The following SH2D4A variants were observed in gnomAD, a reference collection of about 807,000 sequenced individuals.
The protein encoded by SH2D4A is SH2 domain containing 4A.
A neutral mutation model predicts 64.7 loss-of-function variants in SH2D4A; 70 were observed. The ratio of observed to expected loss-of-function variants is 1.08; its 90% CI spans 0.89 to 1.32. The LOEUF (loss-of-function observed/expected upper bound fraction) is 1.32, where lower values mean the gene tolerates loss of function less well. Ranked by LOEUF, SH2D4A falls within the 40% of genes most tolerant of loss-of-function variation. The pLI is 0.00. For missense variants in SH2D4A, 706 were observed against 540.1 expected (o/e 1.31, Z -3.04); for synonymous variants, 268 against 200.7 (o/e 1.34, Z -2.83).
At chr8:19,385,987 A>G (rs1250302291) in intron 8 of SH2D4A, among the ~76,000 whole-genome samples, 3 of 152,064 alleles carry the variant, frequency 2.0e-5, no homozygotes, top group African/African-American at 7.2e-5. Flanking sequence ...TTGTTCTTAA[A>G]CCTCAGATGA....
chr8:19,392,726 T>G (rs2053512989), intron 8 of SH2D4A, among the ~76,000 whole-genome samples: 1 of 151,926 alleles, frequency 6.6e-6, no homozygotes, highest in Admixed American at 6.6e-5. Flanking sequence ...TAAGTAGAAA[T>G]ATATTCCTTT....
chr8:19,339,528 G>T (rs1486541189), intron 4 of SH2D4A, among the ~76,000 whole-genome samples: 1 of 147,870 alleles, frequency 6.8e-6, no homozygotes, highest in Non-Finnish European at 1.5e-5. Context: ...TTGAGGCAGG[G>T]TCTCCCTCTC....
chr8:19,319,428 A>G lies in SH2D4A; in HGVS notation c.-120A>G. 7.5e-7 allele frequency: 1 copy of G among 1,326,966 alleles called. No individual in the cohort carries two copies. The allele number at this position is 1,326,966 out of a possible 1,614,324, so 82.2% of individuals were successfully genotyped here. ...TGAATTATTGTCCCAGTCAGCCAGG[A>G]TTGTGAGCTGTTTGGGAAGTTTCGT... is the stretch of plus-strand genomic sequence containing the variant. On this transcript the variant is annotated 5_prime_UTR_variant, in exon 2 of 10. Transcript: ENST00000265807.
At chr8:19,320,246 T>C (rs1469709145) in intron 2 of SH2D4A, among the ~76,000 whole-genome samples, 2 of 152,172 alleles carry the variant, frequency 1.3e-5, no homozygotes, top group Admixed American at 6.5e-5. Flanking sequence ...GTTTCTCAGA[T>C]GTAAACTTTT....
intron 2 of SH2D4A, among the ~76,000 whole-genome samples, chr8:19,326,546 ACT>A (rs1244217826): frequency 6.6e-6 from 1 of 151,294 alleles, no homozygotes; most frequent in Admixed American, 6.6e-5. Context: ...CCTGGTGTTG[ACT>A]CTCTTTTGCA....
chr8:19,342,365 G>C (rs2052542598), intron 4 of SH2D4A, among the ~76,000 whole-genome samples: 1 of 152,168 alleles, frequency 6.6e-6, no homozygotes, highest in Non-Finnish European at 1.5e-5. Context: ...CTAGAATTTT[G>C]AATAGGATAA....
chr8:19,352,048 G>T (rs1191692485), intron 4 of SH2D4A, among the ~76,000 whole-genome samples: 1 of 152,198 alleles, frequency 6.6e-6, no homozygotes, highest in African/African-American at 2.4e-5. Context: ...TTTCCAAAGT[G>T]CTGGGATTAC....
intron 7 of SH2D4A, among the ~76,000 whole-genome samples, chr8:19,371,888 T>C (rs1277082927): frequency 6.6e-6 from 1 of 152,202 alleles, no homozygotes; most frequent in Non-Finnish European, 1.5e-5. Flanking sequence ...TTTTTTAAAA[T>C]TACTTCAGTC....
At chr8:19,339,639 A>G (rs996256751) in intron 4 of SH2D4A, among the ~76,000 whole-genome samples, 3 of 151,852 alleles carry the variant, frequency 2.0e-5, no homozygotes, top group Non-Finnish European at 1.5e-5. Flanking sequence ...AGCTGGGACT[A>G]CAGGCACAGG....
At chr8:19,332,562 G>A (rs1295615617) in intron 2 of SH2D4A, among the ~76,000 whole-genome samples, 1 of 151,662 alleles carries the variant, frequency 6.6e-6, no homozygotes, top group African/African-American at 2.4e-5. Flanking sequence ...GCTGGGCATG[G>A]TGGCAGGTGC....
At chr8:19,329,326 G>A (rs2052334637) in intron 2 of SH2D4A, among the ~76,000 whole-genome samples, 2 of 152,054 alleles carry the variant, frequency 1.3e-5, no homozygotes, top group South Asian at 4.2e-4. Flanking sequence ...GGCCCTCCAG[G>A]GACTTAGTTC....
chr8:19,378,881 CA>C (rs956152277), intron 8 of SH2D4A, among the ~76,000 whole-genome samples: 3 of 57,990 alleles, frequency 5.2e-5, no homozygotes, highest in East Asian at 3.7e-4. Flanking sequence ...TCCATCTCTA[CA>C]AAAAAAACAT....
intron 4 of SH2D4A, among the ~76,000 whole-genome samples, chr8:19,350,601 C>T (rs1279869982): frequency 2.0e-5 from 3 of 152,062 alleles, no homozygotes; most frequent in Non-Finnish European, 4.4e-5. Context: ...CTCCCACCCT[C>T]GCCTCCCGAG....
chr8:19,333,131 C>T lies in SH2D4A; in HGVS notation c.341+17C>T. Reference sequence around the variant, plus strand: ...AGAGCCCAGGTATGAGATCTGCAAACCAACCAGAGACTTAAAGACTCTCCA... The same window carrying T: ...AGAGCCCAGGTATGAGATCTGCAAATCAACCAGAGACTTAAAGACTCTCCA... On this transcript the variant is annotated intron_variant, in intron 3 of 9. Coordinates refer to ENST00000265807, the MANE Select transcript of SH2D4A (RefSeq NM_022071.4). 6.2e-7 allele frequency: 1 copy of T among 1,600,052 alleles called. No individual in the cohort carries two copies. The highest frequency in any genetic ancestry group is 8.5e-7 in the Non-Finnish European group (1 of 1,175,994).
At chr8:19,334,483 A>T (rs2052413071) in intron 3 of SH2D4A, among the ~76,000 whole-genome samples, 1 of 152,166 alleles carries the variant, frequency 6.6e-6, no homozygotes, top group South Asian at 2.1e-4. Flanking sequence ...CAAAGTGAGG[A>T]TGACAATGCC....
intron 2 of SH2D4A, among the ~76,000 whole-genome samples, chr8:19,320,745 C>T (rs1215140217): frequency 6.6e-6 from 1 of 151,560 alleles, no homozygotes; most frequent in Non-Finnish European, 1.5e-5. Flanking sequence ...TTGCTGTTTA[C>T]ATGCGAAGTC....
chr8:19,316,565 T>C (rs2052092248), intron 1 of SH2D4A, among the ~76,000 whole-genome samples: 1 of 152,188 alleles, frequency 6.6e-6, no homozygotes, highest in African/African-American at 2.4e-5. Flanking sequence ...CTGGGGTGTG[T>C]GCACCTGGCC....
rs372280348 is a variant in SH2D4A, at chr8:19,394,469, G to A, written c.1273-81G>A. 176 of 909,418 alleles carry A rather than the reference G, an allele frequency of 1.9e-4. 2 individuals carry two copies. The African/African-American group carries it at 2.6e-3, about 14-fold the overall frequency. The allele number at this position is 909,418 out of a possible 1,614,324, so 56.3% of individuals were successfully genotyped here. ...GCTTTGTGTAAATCATGGGTAGGCAGCTAGTGATGTCCTCTGAGGAAGTAG... is the reference window on the plus strand; with the variant it reads ...GCTTTGTGTAAATCATGGGTAGGCAACTAGTGATGTCCTCTGAGGAAGTAG... On this transcript the variant is annotated intron_variant, in intron 9 of 9. Transcript: ENST00000265807.
rs759327418 is a variant in SH2D4A at position 19,393,524 on chromosome 8, T to G, written c.1255T>G (p.Leu419Val). ...DQLQHATLAD[L>V]VEYHKEEPIT... ...GCTACAGCATGCCACCTTGGCGGATTTGGTGGAATATCACAAGGTGAAGCA... is the reference window on the plus strand; with the variant it reads ...GCTACAGCATGCCACCTTGGCGGATGTGGTGGAATATCACAAGGTGAAGCA... Residue 419 changes from leucine to valine, a missense_variant, in exon 9 of 10, where the codon TTG becomes GTG. Physicochemically the swap from Leu to Val is conservative, Grantham distance 32. Transcript: ENST00000265807. 2 of 1,614,176 alleles carry G rather than the reference T, an allele frequency of 1.2e-6. No homozygotes were observed. The highest frequency in any genetic ancestry group is 3.3e-5 in the Admixed American group (2 of 60,024).
Sources: gnomAD v4.1 joint callset for allele counts (sites outside exome capture counted in the v4.1 genomes callset) on GRCh38, gnomAD v4.1.1 for gene constraint, MANE v1.5 for transcripts, NCBI Gene and HGNC (gene_info 2026-07-23, HGNC 2026-07-21) for gene names.